GRID2: variants seen among roughly 807,000 people sequenced by gnomAD.
GRID2 encodes the protein glutamate ionotropic receptor delta type subunit 2.
GRID2 carries 33 observed loss-of-function variants against 114.8 expected under a neutral mutation model. The observed-to-expected ratio is 0.29, with a 90% confidence interval of 0.22 to 0.38. The LOEUF is 0.38. GRID2 is among the 10% of genes least tolerant of loss of function. The pLI, the probability that GRID2 is intolerant of heterozygous loss-of-function variation, is 1.00. For missense variants in GRID2, 1,184 were observed against 1,257.7 expected (o/e 0.94, Z 0.89); for synonymous variants, 505 against 449.9 (o/e 1.12, Z -1.55).
chr4:92,321,523 A>G (rs1466833270), intron 1 of GRID2, among the ~76,000 whole-genome samples: 1 of 152,168 alleles, frequency 6.6e-6, no homozygotes, highest in Non-Finnish European at 1.5e-5. Flanking sequence ...AATAAAAACA[A>G]TTTAGGTATG....
chr4:92,977,796 A>T (rs1309270624), intron 2 of GRID2, among the ~76,000 whole-genome samples: 1 of 152,196 alleles, frequency 6.6e-6, no homozygotes, highest in Non-Finnish European at 1.5e-5. Flanking sequence ...AAAGGAAATC[A>T]AGGGTGATTT....
chr4:92,730,320 C>T lies in GRID2; in HGVS notation c.244+140034C>T, dbSNP rs1414634535. Among the ~76,000 whole-genome samples, 3 of 151,898 alleles carry T rather than the reference C, an allele frequency of 2.0e-5. No individual in the cohort carries two copies. In the East Asian group the frequency reaches 5.8e-4, roughly 29 times the overall value. Reference sequence around the variant, plus strand: ...TGATCTCAGCTATTTTTAAAGGAAGCTTCGTTTTTTTCTCTCCACAGGAAA... The same window carrying T: ...TGATCTCAGCTATTTTTAAAGGAAGTTTCGTTTTTTTCTCTCCACAGGAAA... On this transcript the variant is annotated intron_variant, in intron 2 of 15. Coordinates refer to ENST00000282020, the MANE Select transcript of GRID2 (RefSeq NM_001510.4).
intron 8 of GRID2, among the ~76,000 whole-genome samples, chr4:93,384,971 A>G (rs1160262601): frequency 6.6e-6 from 1 of 152,212 alleles, no homozygotes; most frequent in Non-Finnish European, 1.5e-5. Flanking sequence ...CATTTTCAAC[A>G]TGCCTGTTGA....
chr4:92,577,087 C>T (rs981336687), intron 1 of GRID2, among the ~76,000 whole-genome samples: 13 of 152,038 alleles, frequency 8.6e-5, no homozygotes, highest in Admixed American at 2.6e-4. Flanking sequence ...ATAGCATATT[C>T]GAAAGGGAAC....
chr4:93,408,250 T>A (rs1293896103), intron 9 of GRID2, among the ~76,000 whole-genome samples: 1 of 152,170 alleles, frequency 6.6e-6, no homozygotes, highest in African/African-American at 2.4e-5. Context: ...TCAGGGAAGA[T>A]GCACTTCGAT....
chr4:93,242,862 C>A (rs1476911415), intron 8 of GRID2, among the ~76,000 whole-genome samples: 1 of 151,922 alleles, frequency 6.6e-6, no homozygotes, highest in Non-Finnish European at 1.5e-5. Context: ...TTGTTTCAAC[C>A]TGCTCTGAAT....
At chr4:93,140,401 G>T (rs768626704) in intron 4 of GRID2, among the ~76,000 whole-genome samples, 5 of 151,900 alleles carry the variant, frequency 3.3e-5, no homozygotes, top group Non-Finnish European at 5.9e-5. Flanking sequence ...CTCCTGATCC[G>T]CCTGCCTAGG....
intron 1 of GRID2, among the ~76,000 whole-genome samples, chr4:92,341,984 A>G (rs1289003473): frequency 6.6e-6 from 1 of 152,050 alleles, no homozygotes; most frequent in Non-Finnish European, 1.5e-5. Context: ...ACCTTGCTGG[A>G]TAATTTTTAA....
intron 14 of GRID2, among the ~76,000 whole-genome samples, chr4:93,684,552 G>A (rs1255388523): frequency 6.6e-6 from 1 of 152,080 alleles, no homozygotes; most frequent in African/African-American, 2.4e-5. Context: ...TGACTCAGGT[G>A]TTCTCAAGGC....
intron 4 of GRID2, among the ~76,000 whole-genome samples, chr4:93,132,188 G>A (rs546570297): frequency 7.9e-4 from 121 of 152,252 alleles, no homozygotes; most frequent in African/African-American, 2.8e-3. Flanking sequence ...TAATCACCTT[G>A]AGGTCAGGGG....
chr4:92,729,582 A>G (rs1331726438), intron 2 of GRID2, among the ~76,000 whole-genome samples: 1 of 152,056 alleles, frequency 6.6e-6, no homozygotes, highest in African/African-American at 2.4e-5. Context: ...CTAAAGCGTA[A>G]GGATTTTAGA....
At chr4:93,409,275 T>C (rs143001125) in intron 9 of GRID2, among the ~76,000 whole-genome samples, 209 of 152,184 alleles carry the variant, frequency 1.4e-3, no homozygotes, top group African/African-American at 4.7e-3. Flanking sequence ...TAAAGATTGG[T>C]ATAGCAACTT....
chr4:93,039,009 A>C (rs1282035695), intron 2 of GRID2, among the ~76,000 whole-genome samples: 1 of 152,204 alleles, frequency 6.6e-6, no homozygotes, highest in Non-Finnish European at 1.5e-5. Context: ...TGATAAAGAC[A>C]CATGCACACA....
chr4:92,951,566 C>T (rs1055054570), intron 2 of GRID2, among the ~76,000 whole-genome samples: 3 of 152,048 alleles, frequency 2.0e-5, no homozygotes, highest in East Asian at 1.9e-4. Flanking sequence ...TGGTCTCAAG[C>T]GATGCACCCT....
At chr4:93,788,697 TTAATC>T (rs769652268) in intron 1 of GRID2, among the ~76,000 whole-genome samples, 5 of 152,190 alleles carry the variant, frequency 3.3e-5, no homozygotes, top group Non-Finnish European at 7.3e-5. Context: ...TCAAGGGTAA[TTAATC>T]TAAGGGTCTC....
At chr4:92,826,429 A>G (rs1741705599) in intron 2 of GRID2, among the ~76,000 whole-genome samples, 2 of 151,946 alleles carry the variant, frequency 1.3e-5, no homozygotes, top group East Asian at 1.9e-4. Flanking sequence ...CCTGCTCTAT[A>G]TTTGTCCATA....
intron 14 of GRID2, among the ~76,000 whole-genome samples, chr4:93,682,965 C>T (rs999645302): frequency 3.3e-5 from 5 of 151,052 alleles, no homozygotes; most frequent in African/African-American, 1.2e-4. Flanking sequence ...AAGAAAAACA[C>T]CCGTATCTGT....
intron 2 of GRID2, among the ~76,000 whole-genome samples, chr4:93,070,939 G>A (rs1728751854): frequency 6.6e-6 from 1 of 152,056 alleles, no homozygotes; most frequent in Non-Finnish European, 1.5e-5. Context: ...TATACTCACA[G>A]TTTAAGAAAT....
intron 2 of GRID2, among the ~76,000 whole-genome samples, chr4:93,031,971 A>G (rs1367382248): frequency 3.9e-5 from 6 of 152,130 alleles, no homozygotes; most frequent in African/African-American, 1.4e-4. Context: ...CAAGAGTAGC[A>G]AGCATTATAA....
Sources: gnomAD v4.1 joint callset for allele counts (sites outside exome capture counted in the v4.1 genomes callset) on GRCh38, gnomAD v4.1.1 for gene constraint, MANE v1.5 for transcripts, NCBI Gene and HGNC (gene_info 2026-07-23, HGNC 2026-07-21) for gene names.